KRT12: variants seen among roughly 807,000 people sequenced by gnomAD.
KRT12 encodes the protein keratin, type I cytoskeletal 12.
In KRT12, 43 loss-of-function variants were observed where a neutral mutation model predicts 50.2. The ratio of observed to expected loss-of-function variants is 0.86; its 90% CI spans 0.67 to 1.11. The LOEUF (loss-of-function observed/expected upper bound fraction) is 1.11, where lower values mean the gene tolerates loss of function less well. Among genes scored for constraint, KRT12 ranks in the 50% least tolerant of loss-of-function variants. The pLI is 0.00. For synonymous variants in KRT12, 257 were observed against 253.6 expected, an observed-to-expected ratio of 1.01 and a Z score of -0.13; for missense variants, 588 against 625.6, an observed-to-expected ratio of 0.94 and a Z score of 0.64.
In KRT12 at chr17:40,866,664, C is replaced by T. The variant is rs200941376; in HGVS notation, c.523G>A (p.Asp175Asn). 18 of 1,614,166 alleles carry T rather than the reference C, an allele frequency of 1.1e-5. No homozygotes were observed. Among genetic ancestry groups the T allele is most frequent in the Middle Eastern group, 1.6e-4 (1 of 6,062 alleles). The change falls in exon 1 of 8, where the codon GAT becomes AAT. Residue 175 changes from aspartate (D) to asparagine (N), a missense_variant. Asp to Asn is a conservative substitution (Grantham distance 23, BLOSUM62 1). Transcript: ENST00000251643. ...GTGTADASQSDYSKYYPLIED... is the reference protein window; with the variant it reads ...GTGTADASQSNYSKYYPLIED... ...ATCAGTGGATAATATTTGCTGTAATCGCTCTGTGAAGCATCTGCAGTCCCA... is the reference window on the plus strand; with the variant it reads ...ATCAGTGGATAATATTTGCTGTAATTGCTCTGTGAAGCATCTGCAGTCCCA...
At chr17:40,862,458 TTTAAA>T in intron 7 of KRT12, 102 bp downstream of exon 7, 2 of 801,808 alleles carry the variant, frequency 2.5e-6, no homozygotes, top group Non-Finnish European at 4.3e-6. Flanking sequence ...ATAAATATGC[TTTAAA>T]TTAAAATTAA....
Position 40,863,280 on chromosome 17 carries a change from C to A in KRT12, c.1159G>T (p.Val387Leu), listed in dbSNP as rs144269064. ...TCCAGGTTGCTGATGAGCTGCTGCA[C>A]CTGGGACAGCTGCGCGCAGTAATCG... Reference protein sequence around the residue: ...EGDYCAQLSQVQQLISNLEAQ... With the variant: ...EGDYCAQLSQLQQLISNLEAQ... The change falls in exon 6 of 8, where the codon GTG (valine) becomes TTG (leucine). Residue 387 changes from valine (V) to leucine (L), a missense_variant. By Grantham distance (32) the Val-to-Leu change is conservative (BLOSUM62 1). Transcript: ENST00000251643. The surrounding 1 kb of genome is among the most constrained non-coding windows in gnomAD (Gnocchi z 4.2). 2 of 1,614,018 alleles carry A rather than the reference C, an allele frequency of 1.2e-6. No individual in the cohort carries two copies. The highest frequency in any genetic ancestry group is 1.7e-6 in the Non-Finnish European group (2 of 1,179,998).
chr17:40,866,743 C>G lies in KRT12; in HGVS notation c.444G>C (p.Glu148Asp). Reference protein sequence around the residue: ...SYLDKVRALEEANTELENKIR... With the variant: ...SYLDKVRALEDANTELENKIR... The stretch of plus-strand genomic sequence containing the variant: ...TTTTATTTTCTAGCTCAGTATTAGC[C>G]TCTTCTAGAGCTCGCACCTTATCCA... The change falls in exon 1 of 8, where the codon GAG becomes GAC. Residue 148 changes from glutamate to aspartate, a missense_variant. Transcript: ENST00000251643. The G allele has an allele frequency of 1.9e-6, 3 of 1,614,164 alleles. No individual in the cohort carries two copies. Among genetic ancestry groups the G allele is most frequent in the Non-Finnish European group, 2.5e-6 (3 of 1,180,028 alleles).
rs1271625987 is a variant in KRT12, at chr17:40,864,879, G to A, written c.734C>T (p.Thr245Ile). Residue 245 changes from threonine to isoleucine, a missense_variant, in exon 3 of 8, where the codon ACC (threonine) becomes ATC (isoleucine). Transcript: ENST00000251643. ...GATCTGCATCTCCAGGTCGGTCCTG[G>A]TCAGGGTCAGCTCGTCCAGCACCCG... ...LRRVLDELTL[T>I]RTDLEMQIES... 6.2e-7 allele frequency: 1 copy of A among 1,614,094 alleles called. No individual in the cohort carries two copies.
Position 40,862,549 on chromosome 17 carries a change from T to C in KRT12, c.1387+16A>G. ...GATTCCGACTTATTCTAAGTGATTC[T>C]AGGGTTTCTGCATACCTTTAGAGGA... On this transcript the variant is annotated intron_variant, in intron 7 of 7. Transcript: ENST00000251643. 1.9e-6 allele frequency: 3 copies of C among 1,584,598 alleles called. No homozygotes were observed. Among genetic ancestry groups the C allele is most frequent in the Non-Finnish European group, 2.6e-6 (3 of 1,153,246 alleles).
chr17:40,866,377 A>G, intron 1 of KRT12, 140 bp from the exon 2 acceptor site: 1 of 769,022 alleles, frequency 1.3e-6, no homozygotes, highest in South Asian at 1.5e-5. Flanking sequence ...TTTTTCTAAG[A>G]CAATATCTGT....
rs186050235 is a variant in KRT12 at position 40,861,690 on chromosome 17, G to C, written c.1456C>G (p.Gln486Glu). ...EMVNGEVVSS[Q>E]VQEIEELM is the part of the protein sequence containing the mutation. ...ATTAGTTCTTCAATTTCCTGAACTTGAGATGAGACCACCTCACCATTCACC... is the reference window on the plus strand; with the variant it reads ...ATTAGTTCTTCAATTTCCTGAACTTCAGATGAGACCACCTCACCATTCACC... The change falls in exon 8 of 8, where the codon CAA becomes GAA. Residue 486 changes from glutamine to glutamate, a missense_variant. Coordinates refer to ENST00000251643, the MANE Select transcript of KRT12 (RefSeq NM_000223.4). 2.6e-5 allele frequency: 42 copies of C among 1,613,148 alleles called. No individual in the cohort carries two copies. The highest frequency in any genetic ancestry group is 1.3e-4 in the Admixed American group (8 of 60,028).
rs998271251 is a variant in KRT12, at chr17:40,863,630, C to T, written c.970-20G>A. The stretch of plus-strand genomic sequence containing the variant: ...CCCGCTCTGCAACAGCAAAGACAGC[C>T]AGGGGGCTCGAGCGCTGAGCTCGTT... On this transcript the variant is annotated intron_variant, in intron 4 of 7. Coordinates refer to ENST00000251643, the MANE Select transcript of KRT12 (RefSeq NM_000223.4). The surrounding 1 kb of genome is among the most constrained non-coding windows in gnomAD (Gnocchi z 4.2). 17 of 1,614,228 alleles carry T rather than the reference C, an allele frequency of 1.1e-5. No individual in the cohort carries two copies. Among genetic ancestry groups the T allele is most frequent in the Non-Finnish European group, 1.4e-5 (17 of 1,180,048 alleles).
In KRT12 at chr17:40,863,192, A is replaced by C. The variant is rs1906865718; in HGVS notation, c.1247T>G (p.Leu416Arg). 1.2e-6 allele frequency: 2 copies of C among 1,614,076 alleles called. No homozygotes were observed. The highest frequency in any genetic ancestry group is 2.7e-5 in the African/African-American group (2 of 75,056). The change falls in exon 6 of 8, where the codon CTG becomes CGG. Residue 416 changes from leucine to arginine, a missense_variant. Leu to Arg is a moderately radical substitution (Grantham distance 102). Coordinates refer to ENST00000251643, the MANE Select transcript of KRT12 (RefSeq NM_000223.4). The surrounding 1 kb of genome is among the most constrained non-coding windows in gnomAD (Gnocchi z 4.2). ...ERQNVDHQRL[L>R]NVKARLELEI... is the part of the protein sequence containing the mutation. Reference sequence around the variant, plus strand: ...CAGCTCCAGGCGGGCCTTGACATTCAGCAGCCGCTGGTGGTCCACGTTCTG... The same window carrying C: ...CAGCTCCAGGCGGGCCTTGACATTCCGCAGCCGCTGGTGGTCCACGTTCTG...
chr17:40,863,599 G>T lies in KRT12; in HGVS notation c.981C>A (p.Leu327=). ...CGGTGTTGGTGCTAATCTCCTTACG[G>T]AGCTCCCCGCTCTGCAACAGCAAAG... The part of the protein sequence containing the change: ...EAWFIEKSGE[L]RKEISTNTEQ... Residue 327 remains leucine, a synonymous_variant, in exon 5 of 8, where the codon CTC becomes CTA. Coordinates refer to ENST00000251643, the MANE Select transcript of KRT12 (RefSeq NM_000223.4). This position sits in a 1 kb window ranked among gnomAD's most constrained non-coding sequence, Gnocchi z 4.2. The T allele has an allele frequency of 6.2e-7, 1 of 1,614,230 alleles. No individual in the cohort carries two copies.
chr17:40,865,796 C>G (rs1168177281), intron 2 of KRT12, among the ~76,000 whole-genome samples: 2 of 151,958 alleles, frequency 1.3e-5, no homozygotes, highest in Non-Finnish European at 2.9e-5. Context: ...TCACTGCACT[C>G]CAGCCTGGGT....
intron 6 of KRT12, 107 bp from the exon 7 acceptor site, chr17:40,862,742 C>G: frequency 1.2e-6 from 1 of 843,984 alleles, no homozygotes; most frequent in Non-Finnish European, 2.1e-6. Flanking sequence ...CTGAGTTCTT[C>G]CAACTAGTGC....
chr17:40,864,208 G>A lies in KRT12; in HGVS notation c.808-344C>T, dbSNP rs139288174. 6.3e-3 allele frequency among the ~76,000 whole-genome samples: 961 copies of A among 152,212 alleles called. 8 individuals carry two copies. Among genetic ancestry groups the A allele is most frequent in the South Asian group, 0.011 (55 of 4,824 alleles). On this transcript the variant is annotated intron_variant, in intron 3 of 7. Transcript: ENST00000251643. ...CTTCTTGAGGGACCACGACCTTCAC[G>A]TGAAAGGAGGCCTGGCGTACACTCA... is the stretch of plus-strand genomic sequence containing the variant.
intron 7 of KRT12, 44 bp from the exon 8 acceptor site, chr17:40,861,802 A>C (rs1387646404): frequency 8.1e-7 from 1 of 1,231,756 alleles, no homozygotes; most frequent in African/African-American, 1.5e-5. Flanking sequence ...TAGTGTTTCA[A>C]ATATTAATCC....
At chr17:40,862,447 T>G (rs1454391804) in intron 7 of KRT12, 118 bp downstream of exon 7, 1 of 765,068 alleles carries the variant, frequency 1.3e-6, no homozygotes, top group Non-Finnish European at 2.3e-6. Context: ...TGGCTCAGAA[T>G]ATAAATATGC....
In KRT12 at chr17:40,866,758, C is replaced by A. The variant is rs1907042169; in HGVS notation, c.429G>T (p.Val143=). The A allele has an allele frequency of 6.2e-7, 1 of 1,614,032 alleles. No individual in the cohort carries two copies. The highest frequency in any genetic ancestry group is 1.1e-5 in the South Asian group (1 of 91,080). Residue 143 remains valine (V), a synonymous_variant, in exon 1 of 8, where the codon GTG becomes GTT. Coordinates refer to ENST00000251643, the MANE Select transcript of KRT12 (RefSeq NM_000223.4). ...NDRLASYLDK[V]RALEEANTEL... ...CAGTATTAGCCTCTTCTAGAGCTCG[C>A]ACCTTATCCAGGTAGGAAGCTAATC...
chr17:40,867,142 G>T lies in KRT12; in HGVS notation c.45C>A (p.Pro15=). Residue 15 remains proline, a synonymous_variant, in exon 1 of 8, where the codon CCC becomes CCA. Coordinates refer to ENST00000251643, the MANE Select transcript of KRT12 (RefSeq NM_000223.4). ...NNTMSLSVRT[P]GLSRRLSSQS... ...GCGAGGAGAGCCGCCGGGACAGTCCGGGGGTGCGCACTGAGAGTGACATGG... is the reference window on the plus strand; with the variant it reads ...GCGAGGAGAGCCGCCGGGACAGTCCTGGGGTGCGCACTGAGAGTGACATGG... The T allele has an allele frequency of 6.2e-7, 1 of 1,611,696 alleles. No individual in the cohort carries two copies. Among genetic ancestry groups the T allele is most frequent in the Non-Finnish European group, 8.5e-7 (1 of 1,180,002 alleles).
intron 2 of KRT12, 47 bp from the exon 3 acceptor site, chr17:40,865,009 G>C (rs745548489): frequency 1.1e-5 from 18 of 1,598,748 alleles, no homozygotes; most frequent in Non-Finnish European, 1.5e-5. Context: ...ACAACCATTT[G>C]AACAAGGCCA....
intron 2 of KRT12, among the ~76,000 whole-genome samples, chr17:40,865,487 G>A (rs1389635153): frequency 1.3e-5 from 2 of 152,204 alleles, no homozygotes; most frequent in African/African-American, 4.8e-5. Flanking sequence ...ATCTGGGAGA[G>A]TTGAGCATGG....
Sources: allele counts gnomAD v4.1 joint callset (sites outside exome capture counted in the v4.1 genomes callset), GRCh38; gene constraint gnomAD v4.1.1; non-coding constraint Gnocchi (gnomAD v3.1); transcripts MANE v1.5; gene names NCBI Gene and HGNC (gene_info 2026-07-23, HGNC 2026-07-21).